Variants in ROBO1 observed in about 807,000 individuals in gnomAD.
ROBO1 encodes roundabout homolog 1.
Under a neutral mutation model 195.9 loss-of-function variants are expected in ROBO1, and 149 were observed. The observed-to-expected ratio is 0.76, with a 90% CI of 0.67 to 0.87. ROBO1 has a LOEUF of 0.87. ROBO1 is among the 40% of genes least tolerant of loss of function. The pLI, the probability that ROBO1 is intolerant of heterozygous loss-of-function variation, is 0.00. For missense variants in ROBO1, 1,933 were observed against 2,068.3 expected (o/e 0.93, Z 1.27); for synonymous variants, 816 against 733.2 (o/e 1.11, Z -1.82).
At chr3:78,682,033 T>C (rs997178865) in intron 10 of ROBO1, among the ~76,000 whole-genome samples, 10 of 152,068 alleles carry the variant, frequency 6.6e-5, no homozygotes, top group African/African-American at 1.9e-4. Flanking sequence ...CTGAGAACAT[T>C]AGAAAAGCAA....
chr3:79,292,104 T>A (rs1235636459), intron 2 of ROBO1, among the ~76,000 whole-genome samples: 1 of 152,202 alleles, frequency 6.6e-6, no homozygotes, highest in Non-Finnish European at 1.5e-5. Flanking sequence ...CCCTTGTAAG[T>A]TGTATTCCTA....
chr3:79,240,057 A>G (rs372127464), intron 2 of ROBO1, among the ~76,000 whole-genome samples: 1 of 152,138 alleles, frequency 6.6e-6, no homozygotes, highest in Non-Finnish European at 1.5e-5. Flanking sequence ...TGTGGTGAGA[A>G]TATTTAAAGC....
chr3:78,877,552 A>G (rs923002099), intron 4 of ROBO1, among the ~76,000 whole-genome samples: 8 of 152,200 alleles, frequency 5.3e-5, no homozygotes, highest in Admixed American at 4.6e-4. Context: ...CTTAAGAAAA[A>G]TAAGTCTGGT....
At chr3:79,540,538 A>G (rs1942026268) in intron 2 of ROBO1, among the ~76,000 whole-genome samples, 1 of 151,064 alleles carries the variant, frequency 6.6e-6, no homozygotes, top group Non-Finnish European at 1.5e-5. Context: ...CACGAATCTC[A>G]TGTTCTACCG....
chr3:79,480,406 A>G (rs541870195), intron 2 of ROBO1, among the ~76,000 whole-genome samples: 1 of 152,272 alleles, frequency 6.6e-6, no homozygotes, highest in African/African-American at 2.4e-5. Context: ...ATTGAAATCA[A>G]TATGGGTCTA....
At chr3:79,035,068 C>A (rs1197832880) in intron 3 of ROBO1, among the ~76,000 whole-genome samples, 2 of 151,852 alleles carry the variant, frequency 1.3e-5, no homozygotes, top group African/African-American at 2.4e-5. Context: ...TTGAAATACA[C>A]CAAAATAGCA....
At chr3:79,739,316 T>G (rs1170335547) in intron 1 of ROBO1, among the ~76,000 whole-genome samples, 1 of 151,920 alleles carries the variant, frequency 6.6e-6, no homozygotes, top group Non-Finnish European at 1.5e-5. Context: ...AAATGATATC[T>G]GGAAAATGTT....
At chr3:79,648,296 C>G (rs1945894385) in intron 1 of ROBO1, among the ~76,000 whole-genome samples, 1 of 152,030 alleles carries the variant, frequency 6.6e-6, no homozygotes, top group Admixed American at 6.6e-5. Flanking sequence ...GTTATTAGAT[C>G]GTGCATAATC....
intron 2 of ROBO1, among the ~76,000 whole-genome samples, chr3:79,276,845 T>C (rs2031077145): frequency 1.3e-5 from 2 of 152,018 alleles, no homozygotes; most frequent in African/African-American, 2.4e-5. Context: ...GACATACAAA[T>C]GGCAACAGGT....
intron 8 of ROBO1, among the ~76,000 whole-genome samples, chr3:78,708,146 C>T (rs2081597080): frequency 6.6e-6 from 1 of 152,126 alleles, no homozygotes; most frequent in Admixed American, 6.5e-5. Flanking sequence ...CCATCTAGTT[C>T]ACCCTGTTTA....
chr3:78,839,433 A>G (rs1324067987), intron 4 of ROBO1, among the ~76,000 whole-genome samples: 1 of 131,006 alleles, frequency 7.6e-6, no homozygotes, highest in African/African-American at 2.6e-5. Context: ...ATGAAAAAAG[A>G]ATATTTTTTT....
intron 2 of ROBO1, among the ~76,000 whole-genome samples, chr3:79,580,608 A>T (rs1481203202): frequency 6.6e-6 from 1 of 152,112 alleles, no homozygotes; most frequent in Non-Finnish European, 1.5e-5. Flanking sequence ...TATTAACTAG[A>T]TGTATATAAG....
chr3:79,504,417 T>A (rs1940281101), intron 2 of ROBO1, among the ~76,000 whole-genome samples: 1 of 152,166 alleles, frequency 6.6e-6, no homozygotes, highest in Non-Finnish European at 1.5e-5. Context: ...AGACCTATTT[T>A]TTCTGATGTT....
chr3:78,767,294 G>A (rs1479960305), intron 4 of ROBO1, among the ~76,000 whole-genome samples: 1 of 151,292 alleles, frequency 6.6e-6, no homozygotes, highest in Non-Finnish European at 1.5e-5. Context: ...TATTTTTTGA[G>A]GCAGGGTCTC....
At chr3:78,794,813 C>T (rs2084134562) in intron 4 of ROBO1, among the ~76,000 whole-genome samples, 1 of 152,118 alleles carries the variant, frequency 6.6e-6, no homozygotes, top group African/African-American at 2.4e-5. Flanking sequence ...AGCTCCTGGG[C>T]TCAAGCAATC....
rs190452153 is a variant in ROBO1 at position 79,172,422 on chromosome 3, T to C, written c.89-46883A>G. 6.8e-3 allele frequency among the ~76,000 whole-genome samples: 1,034 copies of C among 152,306 alleles called. 11 individuals carry two copies. The highest frequency in any genetic ancestry group is 7.7e-3 in the Non-Finnish European group (524 of 68,024). ...TTTTGTCTCAATTTTCTGTACTTCATCATCCCCTTGGGAGAATTCCTGGAA... is the reference window on the plus strand; with the variant it reads ...TTTTGTCTCAATTTTCTGTACTTCACCATCCCCTTGGGAGAATTCCTGGAA... On this transcript the variant is annotated intron_variant, in intron 2 of 30. Transcript: ENST00000464233.
intron 3 of ROBO1, among the ~76,000 whole-genome samples, chr3:79,051,684 C>G (rs1331297066): frequency 6.6e-6 from 1 of 152,054 alleles, no homozygotes; most frequent in Non-Finnish European, 1.5e-5. Flanking sequence ...GTCAGGGACC[C>G]TGAATGGAGG....
intron 2 of ROBO1, among the ~76,000 whole-genome samples, chr3:79,319,585 G>A (rs188509949): frequency 6.6e-6 from 1 of 152,110 alleles, no homozygotes; most frequent in Admixed American, 6.5e-5. Context: ...TTATCTTAAT[G>A]TTTATTTCTC....
intron 2 of ROBO1, among the ~76,000 whole-genome samples, chr3:79,288,861 G>A (rs1447713643): frequency 3.3e-5 from 5 of 151,806 alleles, no homozygotes; most frequent in Non-Finnish European, 7.4e-5. Flanking sequence ...AATATAATGT[G>A]TGTTATTTTT....
Sources: allele counts gnomAD v4.1 joint callset (sites outside exome capture counted in the v4.1 genomes callset), GRCh38; gene constraint gnomAD v4.1.1; transcripts MANE v1.5; gene names NCBI Gene and HGNC (gene_info 2026-07-23, HGNC 2026-07-21).